The following AATF variants were observed in gnomAD, a reference collection of about 807,000 sequenced individuals.
AATF encodes protein AATF.
In AATF, 48 loss-of-function variants were observed where a neutral mutation model predicts 63.7. The ratio of observed to expected loss-of-function variants is 0.75; its 90% confidence interval spans 0.60 to 0.96. The LOEUF (loss-of-function observed/expected upper bound fraction) is 0.96. AATF is among the 40% of genes least tolerant of loss of function. The probability of loss-of-function intolerance (pLI) is 0.00; values close to 1 mark genes in which losing one functional copy is unlikely to be tolerated. For missense variants in AATF, 639 were observed against 685.7 expected (o/e 0.93, Z 0.76); for synonymous variants, 258 against 247.7 (o/e 1.04, Z -0.39).
chr17:36,988,771 G>A, intron 6 of AATF, 51 bp downstream of exon 6: 1 of 1,564,798 alleles, frequency 6.4e-7, no homozygotes. Context: ...GTGGCAACTT[G>A]AAGAAGTTTT....
At chr17:37,048,194 G>GGGAGAGTA (rs2071710833) in intron 11 of AATF, among the ~76,000 whole-genome samples, 1 of 151,860 alleles carries the variant, frequency 6.6e-6, no homozygotes, top group South Asian at 2.1e-4. Flanking sequence ...AGGAGAGTGA[G>GGGAGAGTA]GGAGAGTAAG....
intron 2 of AATF, among the ~76,000 whole-genome samples, chr17:36,951,329 G>T (rs745842945): frequency 6.6e-6 from 1 of 152,038 alleles, no homozygotes; most frequent in Non-Finnish European, 1.5e-5. Context: ...CTGATAAAGG[G>T]ACCAATCATG....
chr17:37,003,584 A>G (rs2071318847), intron 8 of AATF, among the ~76,000 whole-genome samples: 1 of 145,056 alleles, frequency 6.9e-6, no homozygotes, highest in Non-Finnish European at 1.5e-5. Context: ...CTCCCACCTC[A>G]GCCTCCCAAG....
chr17:37,017,063 C>T (rs1454501976), intron 8 of AATF, among the ~76,000 whole-genome samples: 1 of 152,192 alleles, frequency 6.6e-6, no homozygotes, highest in Non-Finnish European at 1.5e-5. Flanking sequence ...ATTGCAGAGA[C>T]CACTGCAGTG....
chr17:36,975,354 T>C (rs773804866), intron 4 of AATF, among the ~76,000 whole-genome samples: 2 of 152,190 alleles, frequency 1.3e-5, no homozygotes, highest in Non-Finnish European at 2.9e-5. Context: ...TTTATAGCTC[T>C]AAAAAATGAG....
At chr17:37,012,323 G>A (rs191003940) in intron 8 of AATF, among the ~76,000 whole-genome samples, 199 of 152,300 alleles carry the variant, frequency 1.3e-3, no homozygotes, top group Non-Finnish European at 2.4e-3. Flanking sequence ...CCAGTGCTAG[G>A]ATTATAGGCG....
At chr17:37,041,966 A>G (rs1415526431) in intron 11 of AATF, among the ~76,000 whole-genome samples, 1 of 152,216 alleles carries the variant, frequency 6.6e-6, no homozygotes, top group Non-Finnish European at 1.5e-5. Context: ...TTTGAAGAGT[A>G]TTAATCATGT....
chr17:36,953,653 C>G (rs1213632659), intron 3 of AATF, 117 bp from the exon 4 acceptor site: 1 of 966,216 alleles, frequency 1.0e-6, no homozygotes, highest in Non-Finnish European at 1.6e-6. Context: ...TGGCATTAAA[C>G]TGCTAAAGCT....
intron 11 of AATF, chr17:37,034,570 T>A (rs2071575856): frequency 6.6e-6 from 1 of 152,142 alleles, no homozygotes; most frequent in Admixed American, 6.5e-5. Context: ...GAGAATTTTT[T>A]AAACTGATTT....
chr17:37,026,625 A>G (rs2071513080), intron 10 of AATF, among the ~76,000 whole-genome samples: 1 of 152,234 alleles, frequency 6.6e-6, no homozygotes, highest in South Asian at 2.1e-4. Flanking sequence ...CATAGAAGTG[A>G]CAATTTTATA....
chr17:37,007,876 G>T (rs1567981826), intron 8 of AATF, among the ~76,000 whole-genome samples: 1 of 152,164 alleles, frequency 6.6e-6, no homozygotes, highest in Admixed American at 6.5e-5. Flanking sequence ...GAGAATCGCA[G>T]ATAGTTCAAA....
At chr17:37,051,786 A>G (rs1207293186) in intron 11 of AATF, among the ~76,000 whole-genome samples, 1 of 151,098 alleles carries the variant, frequency 6.6e-6, no homozygotes, top group Non-Finnish European at 1.5e-5. Flanking sequence ...TTTTTTCTAG[A>G]AACAGGTTTT....
At chr17:36,985,267 T>G (rs1466741276) in intron 4 of AATF, among the ~76,000 whole-genome samples, 1 of 151,878 alleles carries the variant, frequency 6.6e-6, no homozygotes, top group African/African-American at 2.4e-5. Flanking sequence ...GTTCAGTGTG[T>G]GTGGTTTTTT....
At chr17:37,006,994 TA>T (rs1453905314) in intron 8 of AATF, among the ~76,000 whole-genome samples, 4 of 152,222 alleles carry the variant, frequency 2.6e-5, no homozygotes, top group Non-Finnish European at 5.9e-5. Flanking sequence ...TACATTCTCT[TA>T]TTTGAGTAAC....
chr17:36,973,886 C>T (rs987090048), intron 4 of AATF, among the ~76,000 whole-genome samples: 70 of 152,078 alleles, frequency 4.6e-4, no homozygotes, highest in African/African-American at 1.7e-3. Flanking sequence ...GCCTGGCCAA[C>T]GTGGTGAAAC....
intron 11 of AATF, among the ~76,000 whole-genome samples, chr17:37,053,297 A>G (rs1345790424): frequency 1.3e-5 from 2 of 151,980 alleles, no homozygotes; most frequent in Non-Finnish European, 2.9e-5. Context: ...ATATTATATC[A>G]TATTATTATA....
At chr17:36,992,614 A>T (rs1412985681) in intron 8 of AATF, among the ~76,000 whole-genome samples, 3 of 138,220 alleles carry the variant, frequency 2.2e-5, no homozygotes, top group South Asian at 2.3e-4. Flanking sequence ...CTTAGTCTGA[A>T]TTTTTTTTTT....
chr17:36,952,857 T>G (rs1567962397), intron 2 of AATF, 29 bp from the exon 3 acceptor site: 1 of 1,599,498 alleles, frequency 6.3e-7, no homozygotes. Flanking sequence ...AATACCCATT[T>G]TTCTCTTTCT....
chr17:37,017,329 CTTT>C (rs768121791), intron 8 of AATF, among the ~76,000 whole-genome samples: 1 of 152,030 alleles, frequency 6.6e-6, no homozygotes, highest in African/African-American at 2.4e-5. Flanking sequence ...ATTTCTTCTT[CTTT>C]ATTATTATTA....
Sources: gnomAD v4.1 joint callset for allele counts (sites outside exome capture counted in the v4.1 genomes callset) on GRCh38, gnomAD v4.1.1 for gene constraint, MANE v1.5 for transcripts, NCBI Gene and HGNC (gene_info 2026-07-23, HGNC 2026-07-21) for gene names.